KIF26B: variants seen among roughly 807,000 people sequenced by gnomAD.
The protein encoded by KIF26B is kinesin-like protein KIF26B.
KIF26B carries 63 observed loss-of-function variants against 151.2 expected under a neutral mutation model. That is an observed-to-expected ratio of 0.42 (90% CI 0.34 to 0.51). The LOEUF (loss-of-function observed/expected upper bound fraction) is 0.51, where lower values mean the gene tolerates loss of function less well. KIF26B is among the 20% of genes least tolerant of loss of function. KIF26B has a pLI of 0.07. For synonymous variants in KIF26B, 1,357 were observed against 1,262.1 expected (o/e 1.08, Z -1.59); for missense variants, 2,813 against 2,913.6 (o/e 0.97, Z 0.79).
At chr1:245,503,792 A>G (rs985783674) in intron 4 of KIF26B, among the ~76,000 whole-genome samples, 1 of 152,198 alleles carries the variant, frequency 6.6e-6, no homozygotes, top group Admixed American at 6.5e-5. Context: ...TGCCTTATGC[A>G]GGTTTTGATT....
At chr1:245,378,802 A>G (rs1325258970) in intron 3 of KIF26B, among the ~76,000 whole-genome samples, 1 of 152,226 alleles carries the variant, frequency 6.6e-6, no homozygotes, top group East Asian at 1.9e-4. Flanking sequence ...CACCAGAAAT[A>G]AAACACCAGG....
chr1:245,603,528 G>C (rs1006617478), intron 6 of KIF26B, among the ~76,000 whole-genome samples: 2 of 152,166 alleles, frequency 1.3e-5, no homozygotes, highest in South Asian at 4.1e-4. Context: ...TCAGCCAGGC[G>C]AAATAAGATC....
chr1:245,400,550 C>T (rs1055515394), intron 3 of KIF26B, among the ~76,000 whole-genome samples: 44 of 143,478 alleles, frequency 3.1e-4, no homozygotes, highest in African/African-American at 1.1e-3. Context: ...CCCCTGCTAT[C>T]CAGCATGGGG....
At chr1:245,275,548 G>T (rs956729185) in intron 2 of KIF26B, among the ~76,000 whole-genome samples, 2 of 152,124 alleles carry the variant, frequency 1.3e-5, no homozygotes, top group African/African-American at 4.8e-5. Context: ...TCTGCATCTG[G>T]CTAGCCAGTT....
intron 2 of KIF26B, among the ~76,000 whole-genome samples, chr1:245,233,143 A>G (rs1484312586): frequency 1.3e-5 from 2 of 152,182 alleles, no homozygotes; most frequent in African/African-American, 2.4e-5. Flanking sequence ...AATGACAAAC[A>G]ATGTATGAGG....
In KIF26B at chr1:245,540,910, G is replaced by C; in HGVS notation, c.1310G>C (p.Arg437Thr). 1 of 1,613,928 alleles carries C rather than the reference G, an allele frequency of 6.2e-7. No individual in the cohort carries two copies. The highest frequency in any genetic ancestry group is 1.1e-5 in the South Asian group (1 of 91,064). The stretch of plus-strand genomic sequence containing the variant: ...CCCCCAGCCCCACCCTGCCTGCTGA[G>C]GGCTGTCAACAAGGTGAAGGACACC... ...SPPPAPPCLL[R>T]AVNKVKDTPG... The change falls in exon 5 of 15, where the codon AGG (arginine) becomes ACG (threonine). Residue 437 changes from arginine to threonine, a missense_variant. Physicochemically the swap from Arg to Thr is moderately conservative, Grantham distance 71. Coordinates refer to ENST00000407071, the MANE Select transcript of KIF26B (RefSeq NM_018012.4). This position sits in a 1 kb window ranked among gnomAD's most constrained non-coding sequence, Gnocchi z 4.6.
intron 4 of KIF26B, among the ~76,000 whole-genome samples, chr1:245,470,726 G>A (rs766154828): frequency 7.2e-5 from 11 of 152,096 alleles, no homozygotes; most frequent in South Asian, 6.2e-4. Flanking sequence ...CACCACGCCC[G>A]GCCACCACTT....
intron 2 of KIF26B, among the ~76,000 whole-genome samples, chr1:245,172,834 A>G (rs78823831): frequency 0.04 from 6,106 of 152,250 alleles, 297 homozygotes; most frequent in African/African-American, 0.12. Context: ...AAAACAAAAC[A>G]AAGAGGGTGG....
At chr1:245,294,121 C>T (rs1671299087) in intron 2 of KIF26B, among the ~76,000 whole-genome samples, 1 of 152,088 alleles carries the variant, frequency 6.6e-6, no homozygotes, top group Non-Finnish European at 1.5e-5. Flanking sequence ...TACACGGAGT[C>T]TATGGCAAGG....
At chr1:245,556,704 T>TTTTG (rs201702893) in intron 5 of KIF26B, among the ~76,000 whole-genome samples, 51 of 150,726 alleles carry the variant, frequency 3.4e-4, no homozygotes, top group African/African-American at 1.1e-3. Context: ...ATCTGGTGTT[T>TTTTG]TTGTTGTTGT....
chr1:245,686,818 A>G lies in KIF26B; in HGVS notation c.3835A>G (p.Ser1279Gly), dbSNP rs1242406060. The G allele has an allele frequency of 1.3e-5, 21 of 1,613,618 alleles. No individual in the cohort carries two copies. Among genetic ancestry groups the G allele is most frequent in the Non-Finnish European group, 1.8e-5 (21 of 1,179,828 alleles). The change falls in exon 12 of 15, where the codon AGC (serine) becomes GGC (glycine). Residue 1279 changes from serine (S) to glycine (G), a missense_variant. Transcript: ENST00000407071. The surrounding 1 kb of genome is among the most constrained non-coding windows in gnomAD (Gnocchi z 5.6). Reference sequence around the variant, plus strand: ...CGCAGGGAGCAGACGCTCTTCCATCAGCTCCTGGCTGAGCGAGATGAGCGC... The same window carrying G: ...CGCAGGGAGCAGACGCTCTTCCATCGGCTCCTGGCTGAGCGAGATGAGCGC... ...QDAGSRRSSI[S>G]SWLSEMSAGS...
intron 2 of KIF26B, among the ~76,000 whole-genome samples, chr1:245,291,519 C>T (rs1015557606): frequency 6.6e-6 from 1 of 152,150 alleles, no homozygotes; most frequent in South Asian, 2.1e-4. Flanking sequence ...TGGCTGTCAG[C>T]GCCCAGGTCC....
chr1:245,629,798 G>A (rs2043760906), intron 9 of KIF26B, among the ~76,000 whole-genome samples: 2 of 152,272 alleles, frequency 1.3e-5, no homozygotes, highest in Middle Eastern at 3.4e-3. Context: ...TAGCATCAGA[G>A]TGAACAGACA....
intron 4 of KIF26B, among the ~76,000 whole-genome samples, chr1:245,476,813 A>G (rs1660051976): frequency 6.6e-6 from 1 of 151,758 alleles, no homozygotes; most frequent in African/African-American, 2.4e-5. Flanking sequence ...GACGAGAGCC[A>G]CCGCACCTGG....
rs1231300676 is a variant in KIF26B, at chr1:245,318,706, A to G, written c.466-48128A>G. Among the ~76,000 whole-genome samples the G allele has an allele frequency of 6.6e-6, 1 of 152,096 alleles. No homozygotes were observed. The highest frequency in any genetic ancestry group is 1.5e-5 in the Non-Finnish European group (1 of 68,008). On this transcript the variant is annotated intron_variant, in intron 2 of 14. Coordinates refer to ENST00000407071, the MANE Select transcript of KIF26B (RefSeq NM_018012.4). This position sits in a 1 kb window ranked among gnomAD's most constrained non-coding sequence, Gnocchi z 4.0. ...TGAAAGGTGGCTCTGAAAACTTTGC[A>G]AACTGTACATAACTCAATTCCCCAG...
chr1:245,679,486 T>G (rs13374738), intron 10 of KIF26B, among the ~76,000 whole-genome samples: 6,009 of 102,002 alleles, frequency 0.059, 261 homozygotes, highest in African/African-American at 0.11. Context: ...TTTTTTTTTT[T>G]GACACAAGGT....
intron 2 of KIF26B, among the ~76,000 whole-genome samples, chr1:245,265,361 T>G (rs1670726430): frequency 6.6e-6 from 1 of 152,132 alleles, no homozygotes; most frequent in Non-Finnish European, 1.5e-5. Flanking sequence ...AACTTGGTTA[T>G]GCAGATAAAC....
chr1:245,603,954 C>G (rs1432016269), intron 6 of KIF26B, among the ~76,000 whole-genome samples: 1 of 152,176 alleles, frequency 6.6e-6, no homozygotes, highest in Non-Finnish European at 1.5e-5. Context: ...AGCCAATGAA[C>G]TGCAGACCTC....
chr1:245,629,727 A>C (rs2043760265), intron 9 of KIF26B, among the ~76,000 whole-genome samples: 1 of 152,196 alleles, frequency 6.6e-6, no homozygotes, highest in African/African-American at 2.4e-5. Flanking sequence ...TTGCCAACAA[A>C]AGCCACAATT....
Sources: allele counts gnomAD v4.1 joint callset (sites outside exome capture counted in the v4.1 genomes callset), GRCh38; gene constraint gnomAD v4.1.1; non-coding constraint Gnocchi (gnomAD v3.1); transcripts MANE v1.5; gene names NCBI Gene and HGNC (gene_info 2026-07-23, HGNC 2026-07-21).